The following BCL11A variants were observed in gnomAD, a reference collection of about 807,000 sequenced individuals.
The protein encoded by BCL11A is BCL11 transcription factor A.
A neutral mutation model predicts 55.9 loss-of-function variants in BCL11A; 2 were observed. The observed-to-expected ratio is 0.04, with a 90% CI of 0.01 to 0.11. The LOEUF is 0.11. BCL11A is among the 10% of genes least tolerant of loss of function. The pLI is 1.00. For synonymous variants in BCL11A, 465 were observed against 473.4 expected (o/e 0.98, Z 0.23); for missense variants, 817 against 1,137.1 (o/e 0.72, Z 4.05).
intron 2 of BCL11A, among the ~76,000 whole-genome samples, chr2:60,511,224 G>A (rs45481193): frequency 0.078 from 11,948 of 152,288 alleles, 638 homozygotes; most frequent in Middle Eastern, 0.12. Flanking sequence ...AGGAGAGAAG[G>A]AGGCCATGGC....
At chr2:60,527,394 C>G (rs574056261) in intron 2 of BCL11A, 1 of 152,376 alleles carries the variant, frequency 6.6e-6, no homozygotes, top group Admixed American at 6.5e-5. Flanking sequence ...CCACTACACT[C>G]TTGACCCAAG....
intron 2 of BCL11A, among the ~76,000 whole-genome samples, chr2:60,521,073 A>G (rs1355890597): frequency 1.1e-4 from 8 of 75,292 alleles, no homozygotes; most frequent in Admixed American, 8.1e-4. Context: ...GTCAGCACAC[A>G]CACACACACA....
At chr2:60,501,024 C>G (rs952448540) in intron 2 of BCL11A, among the ~76,000 whole-genome samples, 1 of 152,198 alleles carries the variant, frequency 6.6e-6, no homozygotes, top group Non-Finnish European at 1.5e-5. Context: ...CCCTGAACTG[C>G]TCAGCCGACC....
At chr2:60,456,455 T>C (rs1675937129), downstream of BCL11A, among the ~76,000 whole-genome samples, 1 of 152,162 alleles carries the variant, frequency 6.6e-6, no homozygotes, top group Non-Finnish European at 1.5e-5. Flanking sequence ...GAAGACCCTA[T>C]CAAAACACCT....
Position 60,458,333 on chromosome 2 carries a change from C to T in BCL11A, c.*2071G>A. ...ATCCAAGGCATAGAATTTCCACTAC[C>T]ATTTTTAAATGGATAACAAGTCTTG... is the stretch of plus-strand genomic sequence containing the variant. On this transcript the variant is annotated 3_prime_UTR_variant, in exon 4 of 4. Coordinates refer to ENST00000642384, the MANE Select transcript of BCL11A (RefSeq NM_022893.4). The T allele has an allele frequency of 9.8e-7, 1 of 1,025,180 alleles. No individual in the cohort carries two copies. The allele number at this position is 1,025,180 out of a possible 1,614,324, so 63.5% of individuals were successfully genotyped here.
intron 1 of BCL11A, among the ~76,000 whole-genome samples, chr2:60,551,276 C>T (rs1670403381): frequency 6.6e-6 from 1 of 152,260 alleles, no homozygotes. Context: ...ACAGCCACCA[C>T]CACCAGCTCT....
chr2:60,487,151 C>T (rs1427175693), intron 2 of BCL11A, among the ~76,000 whole-genome samples: 1 of 152,318 alleles, frequency 6.6e-6, no homozygotes, highest in East Asian at 1.9e-4. Flanking sequence ...GAAGTTCTAA[C>T]CTTTTACCCA....
At chr2:60,551,727 A>C (rs1670420409) in intron 1 of BCL11A, among the ~76,000 whole-genome samples, 1 of 151,648 alleles carries the variant, frequency 6.6e-6, no homozygotes, top group Admixed American at 6.6e-5. Context: ...ACCACGGGCC[A>C]GGCTGGCGCG....
chr2:60,509,067 C>T (rs935545130), intron 2 of BCL11A, among the ~76,000 whole-genome samples: 1 of 152,222 alleles, frequency 6.6e-6, no homozygotes, highest in African/African-American at 2.4e-5. Flanking sequence ...GACAGAAACA[C>T]TGACTCTTAT....
intron 2 of BCL11A, among the ~76,000 whole-genome samples, chr2:60,523,447 T>C (rs1669078077): frequency 6.6e-6 from 1 of 152,224 alleles, no homozygotes; most frequent in East Asian, 1.9e-4. Context: ...ACTTCTATAT[T>C]GATTTGATGG....
intron 2 of BCL11A, among the ~76,000 whole-genome samples, chr2:60,472,520 T>C (rs766271147): frequency 6.6e-6 from 1 of 152,226 alleles, no homozygotes; most frequent in African/African-American, 2.4e-5. Flanking sequence ...AGTTTCCTTA[T>C]GGCTGAATTT....
At chr2:60,520,528 C>A (rs6747156) in intron 2 of BCL11A, among the ~76,000 whole-genome samples, 59,501 of 151,984 alleles carry the variant, frequency 0.39, 12,479 homozygotes, top group African/African-American at 0.5. Flanking sequence ...TACACATTCG[C>A]ATTCCGTTTA....
At chr2:60,516,179 A>G (rs977800303) in intron 2 of BCL11A, among the ~76,000 whole-genome samples, 1 of 152,176 alleles carries the variant, frequency 6.6e-6, no homozygotes, top group Non-Finnish European at 1.5e-5. Flanking sequence ...ATATCATCCT[A>G]CACACTCACT....
downstream of BCL11A, among the ~76,000 whole-genome samples, chr2:60,455,203 G>C (rs1675886193): frequency 6.6e-6 from 1 of 152,120 alleles, no homozygotes; most frequent in African/African-American, 2.4e-5. Flanking sequence ...GTTCAGGTAT[G>C]TAGAGAACAT....
At chr2:60,534,856 A>G (rs1669601894) in intron 2 of BCL11A, 1 of 152,266 alleles carries the variant, frequency 6.6e-6, no homozygotes, top group Non-Finnish European at 1.5e-5. Context: ...AGGAGTGCAA[A>G]GTCATCATGT....
At chr2:60,454,982 T>A (rs1340657676), downstream of BCL11A, among the ~76,000 whole-genome samples, 1 of 152,256 alleles carries the variant, frequency 6.6e-6, no homozygotes, top group Non-Finnish European at 1.5e-5. Flanking sequence ...AGAACTGTGT[T>A]CACCTCACTT....
intron 1 of BCL11A, among the ~76,000 whole-genome samples, chr2:60,552,812 C>G (rs1290140626): frequency 2.0e-5 from 3 of 152,090 alleles, no homozygotes; most frequent in Admixed American, 2.0e-4. Context: ...CTCCCTTTCC[C>G]CACCAGCTCC....
chr2:60,548,028 T>C (rs1670230999), intron 1 of BCL11A, among the ~76,000 whole-genome samples: 1 of 152,222 alleles, frequency 6.6e-6, no homozygotes, highest in South Asian at 2.1e-4. Context: ...TACATATGCA[T>C]ACTTTTCAAA....
intron 2 of BCL11A, chr2:60,534,397 A>T (rs2104659063): frequency 6.6e-6 from 1 of 152,354 alleles, no homozygotes; most frequent in African/African-American, 2.4e-5. Flanking sequence ...AAAGGTTTGT[A>T]GTTCTGTAGC....
Sources: allele counts gnomAD v4.1 joint callset (sites outside exome capture counted in the v4.1 genomes callset), GRCh38; gene constraint gnomAD v4.1.1; transcripts MANE v1.5; gene names NCBI Gene and HGNC (gene_info 2026-07-23, HGNC 2026-07-21).